Variants in CERS6 observed in about 807,000 individuals in gnomAD.
CERS6 encodes the protein ceramide synthase 6, also known as LAG1 homolog, ceramide synthase 6.
CERS6 carries 26 observed loss-of-function variants against 56.8 expected under a neutral mutation model. That is an observed-to-expected ratio of 0.46 (90% confidence interval 0.34 to 0.63). The LOEUF (loss-of-function observed/expected upper bound fraction) is 0.63, where lower values mean the gene tolerates loss of function less well. CERS6 is among the 30% of genes least tolerant of loss of function. The pLI, the probability that CERS6 is intolerant of heterozygous loss-of-function variation, is 0.01. For synonymous variants in CERS6, 164 were observed against 173.3 expected, an observed-to-expected ratio of 0.95 and a Z score of 0.42; for missense variants, 415 against 467.5, an observed-to-expected ratio of 0.89 and a Z score of 1.04.
chr2:168,726,468 T>G (rs1683358297), intron 8 of CERS6, among the ~76,000 whole-genome samples: 1 of 152,238 alleles, frequency 6.6e-6, no homozygotes, highest in Admixed American at 6.5e-5. Context: ...AACGTTATCA[T>G]CTATCAGTGA....
chr2:168,616,943 T>G (rs1684333027), intron 3 of CERS6, among the ~76,000 whole-genome samples: 1 of 152,192 alleles, frequency 6.6e-6, no homozygotes, highest in African/African-American at 2.4e-5. Context: ...ATTTGATTCA[T>G]CAGCACATGG....
chr2:168,662,813 C>A (rs1336555427), intron 4 of CERS6, among the ~76,000 whole-genome samples: 1 of 152,226 alleles, frequency 6.6e-6, no homozygotes, highest in African/African-American at 2.4e-5. Flanking sequence ...CCACAGCGTA[C>A]AATATGTGGT....
chr2:168,574,133 C>T (rs1239480617), intron 3 of CERS6, among the ~76,000 whole-genome samples: 1 of 152,018 alleles, frequency 6.6e-6, no homozygotes, highest in Non-Finnish European at 1.5e-5. Context: ...GAAATGTGTC[C>T]AACTTGAACT....
intron 8 of CERS6, among the ~76,000 whole-genome samples, chr2:168,720,299 A>G (rs1687329966): frequency 6.6e-6 from 1 of 152,188 alleles, no homozygotes; most frequent in African/African-American, 2.4e-5. Flanking sequence ...CTTTTAATTT[A>G]TATTAAATCT....
intron 8 of CERS6, among the ~76,000 whole-genome samples, chr2:168,725,037 T>A (rs1414767443): frequency 6.6e-6 from 1 of 152,206 alleles, no homozygotes; most frequent in African/African-American, 2.4e-5. Context: ...TCCCAAGCCC[T>A]GCCCCATGGG....
At chr2:168,744,020 T>G (rs1267293999) in intron 8 of CERS6, among the ~76,000 whole-genome samples, 2 of 121,510 alleles carry the variant, frequency 1.6e-5, no homozygotes, top group African/African-American at 6.3e-5. Flanking sequence ...TTTTTTGAGA[T>G]GGAGTCTTGC....
intron 1 of CERS6, among the ~76,000 whole-genome samples, chr2:168,486,696 G>A (rs1694282925): frequency 6.6e-6 from 1 of 152,032 alleles, no homozygotes; most frequent in Non-Finnish European, 1.5e-5. Flanking sequence ...CAAATTTGTA[G>A]TACTTGCTTT....
At chr2:168,747,857 G>A (rs75820444) in intron 8 of CERS6, among the ~76,000 whole-genome samples, 15 of 128,198 alleles carry the variant, frequency 1.2e-4, no homozygotes, top group Admixed American at 3.2e-4. Flanking sequence ...ACACACACAC[G>A]CATTTGCCAA....
chr2:168,537,809 A>G (rs1452427952), intron 1 of CERS6, among the ~76,000 whole-genome samples: 1 of 152,222 alleles, frequency 6.6e-6, no homozygotes, highest in Non-Finnish European at 1.5e-5. Context: ...TCATACTAGC[A>G]TATCCAACTG....
chr2:168,509,332 A>G (rs774433440), intron 1 of CERS6, among the ~76,000 whole-genome samples: 11 of 152,198 alleles, frequency 7.2e-5, no homozygotes, highest in Non-Finnish European at 1.6e-4. Flanking sequence ...CTAAGCTAAA[A>G]ATCACCTTTA....
At chr2:168,644,230 A>G (rs1251696799) in intron 4 of CERS6, 2 of 943,964 alleles carry the variant, frequency 2.1e-6, no homozygotes, top group Non-Finnish European at 2.5e-6. Flanking sequence ...TAGGGTGCTC[A>G]GGGAAGTCTG....
At chr2:168,700,304 G>A (rs959746394) in intron 6 of CERS6, among the ~76,000 whole-genome samples, 3 of 152,154 alleles carry the variant, frequency 2.0e-5, no homozygotes, top group Admixed American at 6.5e-5. Flanking sequence ...TAGTTTTAGG[G>A]GAAAGGAAAA....
In CERS6 at chr2:168,672,224, C is replaced by T. The variant is rs140422738; in HGVS notation, c.466-18810C>T. ...GGCCTAAAGGCTGATGGCTCCAGCT[C>T]GTTTCAACTTCATGTCCTTTTCCAA... On this transcript the variant is annotated intron_variant, in intron 4 of 9. Transcript: ENST00000305747. Among the ~76,000 whole-genome samples the T allele has an allele frequency of 2.4e-4, 36 of 152,312 alleles. No individual in the cohort carries two copies. The East Asian group carries it at 2.9e-3, about 12-fold the overall frequency.
intron 6 of CERS6, among the ~76,000 whole-genome samples, chr2:168,713,536 A>AT (rs1281949634): frequency 6.6e-6 from 1 of 152,206 alleles, no homozygotes. Flanking sequence ...ACAACAAACC[A>AT]TGTCCAGATG....
chr2:168,471,536 T>C (rs1193103796), intron 1 of CERS6, among the ~76,000 whole-genome samples: 1 of 152,238 alleles, frequency 6.6e-6, no homozygotes, highest in Non-Finnish European at 1.5e-5. Context: ...ATTTGAGTTA[T>C]TTGGTTCCAC....
chr2:168,677,090 T>C (rs1281216239), intron 4 of CERS6, among the ~76,000 whole-genome samples: 2 of 151,116 alleles, frequency 1.3e-5, no homozygotes, highest in Admixed American at 6.6e-5. Context: ...TACACAGGTA[T>C]ACATGTGCCA....
intron 4 of CERS6, among the ~76,000 whole-genome samples, chr2:168,657,879 T>G (rs190558286): frequency 0.017 from 2,635 of 152,290 alleles, 69 homozygotes; most frequent in African/African-American, 0.054. Flanking sequence ...GCCCAGAAAG[T>G]GGCTCCCACA....
At position 168,771,069 on chromosome 2, in the gene CERS6, T is replaced by G. The variant is rs1684849544; in HGVS notation, c.*1407T>G. The stretch of plus-strand genomic sequence containing the variant: ...TTTTAGTAAGAGGAAAAAGGGATTA[T>G]AAAACCCTTCATAAATCAAGAAGGC... On this transcript the variant is annotated 3_prime_UTR_variant, in exon 10 of 10. Transcript: ENST00000305747. The G allele has an allele frequency of 6.6e-6, 1 of 152,130 alleles. No individual in the cohort carries two copies. Among genetic ancestry groups the G allele is most frequent in the Admixed American group, 6.5e-5 (1 of 15,280 alleles). The allele number at this position is 152,130 out of a possible 1,614,324, so 9.4% of individuals were successfully genotyped here. A position where few individuals can be genotyped will look rare whatever the true frequency, so the allele number is the denominator to read the frequency against.
intron 6 of CERS6, among the ~76,000 whole-genome samples, chr2:168,707,970 C>CT (rs1686999931): frequency 6.6e-6 from 1 of 152,092 alleles, no homozygotes; most frequent in African/African-American, 2.4e-5. Flanking sequence ...TCATTTTTGC[C>CT]TTAAGGACGT....
Sources: gnomAD v4.1 joint callset for allele counts (sites outside exome capture counted in the v4.1 genomes callset) on GRCh38, gnomAD v4.1.1 for gene constraint, MANE v1.5 for transcripts, NCBI Gene and HGNC (gene_info 2026-07-23, HGNC 2026-07-21) for gene names.